Variants in LZTFL1 observed in about 807,000 individuals in gnomAD.
The protein encoded by LZTFL1 is leucine zipper transcription factor-like protein 1.
In LZTFL1, 25 loss-of-function variants were observed where a neutral mutation model predicts 45.9. The observed-to-expected ratio is 0.54, with a 90% confidence interval of 0.40 to 0.76. The LOEUF (loss-of-function observed/expected upper bound fraction) is 0.76. Ranked by LOEUF, LZTFL1 falls within the 30% of genes least tolerant of loss-of-function variation. LZTFL1 has a pLI of 0.00. For missense variants in LZTFL1, 277 were observed against 331.1 expected, an observed-to-expected ratio of 0.84 and a Z score of 1.27; for synonymous variants, 93 against 117.4, an observed-to-expected ratio of 0.79 and a Z score of 1.35.
chr3:45,887,592 T>C (rs1702021561), intron 2 of LZTFL1, among the ~76,000 whole-genome samples: 1 of 152,254 alleles, frequency 6.6e-6, no homozygotes, highest in South Asian at 2.1e-4. Context: ...GGAAGGGCTG[T>C]GCAGCAGCCA....
At chr3:45,888,307 C>G (rs753847948) in intron 2 of LZTFL1, among the ~76,000 whole-genome samples, 14 of 152,120 alleles carry the variant, frequency 9.2e-5, no homozygotes, top group Non-Finnish European at 1.9e-4. Flanking sequence ...CTTCAAGGAC[C>G]CGCAAAAATG....
intron 1 of LZTFL1, among the ~76,000 whole-genome samples, chr3:45,841,199 G>A (rs1701102147): frequency 6.6e-6 from 1 of 152,188 alleles, no homozygotes; most frequent in Non-Finnish European, 1.5e-5. Context: ...GACAGCGCTT[G>A]GAACACAGTG....
At position 45,833,108 on chromosome 3, in the gene LZTFL1, A is replaced by G; in HGVS notation, c.398T>C (p.Val133Ala). ...AAGTGGAGCAAGTTTTGGCTTTGTG[A>G]CATCTAAGATGGGCTGAAACAAAAT... is the stretch of plus-strand genomic sequence containing the variant. ...TSSNKKPILD[V>A]TKPKLAPLNE... The change falls in exon 5 of 10, where the codon GTC (valine) becomes GCC (alanine). Residue 133 changes from valine (V) to alanine (A), a missense_variant. Val to Ala is a moderately conservative substitution (Grantham distance 64, BLOSUM62 0). Transcript: ENST00000296135. 1 of 1,613,156 alleles carries G rather than the reference A, an allele frequency of 6.2e-7. No individual in the cohort carries two copies. The highest frequency in any genetic ancestry group is 1.1e-5 in the South Asian group (1 of 91,072).
chr3:45,911,472 T>C (rs1252932327), intron 2 of LZTFL1, among the ~76,000 whole-genome samples: 1 of 152,218 alleles, frequency 6.6e-6, no homozygotes, highest in African/African-American at 2.4e-5. Flanking sequence ...AGGAAGTAGG[T>C]AGTGGCACTA....
chr3:45,885,673 T>C (rs894696184), intron 2 of LZTFL1, among the ~76,000 whole-genome samples: 1 of 152,234 alleles, frequency 6.6e-6, no homozygotes, highest in South Asian at 2.1e-4. Context: ...CATGTGGCTA[T>C]TGAGCACTTG....
chr3:45,862,768 T>C (rs553756728), intron 2 of LZTFL1, among the ~76,000 whole-genome samples: 1 of 152,252 alleles, frequency 6.6e-6, no homozygotes, highest in Non-Finnish European at 1.5e-5. Flanking sequence ...AGTTGAAACA[T>C]TGCTGACAAC....
chr3:45,853,873 T>C (rs1254771541), intron 4 of LZTFL1, among the ~76,000 whole-genome samples: 1 of 152,218 alleles, frequency 6.6e-6, no homozygotes, highest in Non-Finnish European at 1.5e-5. Context: ...TCCTCTTTAT[T>C]GCTAAACTTC....
intron 2 of LZTFL1, 141 bp downstream of exon 2, chr3:45,837,786 G>T: frequency 1.3e-6 from 1 of 773,250 alleles, no homozygotes; most frequent in Non-Finnish European, 2.0e-6. Flanking sequence ...GTATCCATGA[G>T]GCTTAGTGTA....
intron 2 of LZTFL1, among the ~76,000 whole-genome samples, chr3:45,861,789 T>C (rs930574006): frequency 6.6e-6 from 1 of 152,194 alleles, no homozygotes; most frequent in Non-Finnish European, 1.5e-5. Context: ...CGTCTCTTAG[T>C]GTAACTAAGT....
chr3:45,911,642 G>A (rs1054967864), intron 2 of LZTFL1, among the ~76,000 whole-genome samples: 4 of 152,262 alleles, frequency 2.6e-5, no homozygotes, highest in African/African-American at 9.6e-5. Context: ...CAGGAGGACA[G>A]GGGGCCCTAG....
chr3:45,912,382 C>A (rs1490671045), intron 2 of LZTFL1, among the ~76,000 whole-genome samples: 6 of 152,202 alleles, frequency 3.9e-5, no homozygotes, highest in Non-Finnish European at 5.9e-5. Context: ...AGTGACTTTG[C>A]AGTTCCTCCC....
chr3:45,883,172 T>C (rs1450291900), intron 2 of LZTFL1, among the ~76,000 whole-genome samples: 28 of 152,340 alleles, frequency 1.8e-4, no homozygotes, highest in Non-Finnish European at 2.9e-5. Flanking sequence ...GTCTACTGAA[T>C]AGAGAGGGAA....
rs531702573 is a variant in LZTFL1, at chr3:45,886,229, T to C, written c.-215+26891A>G. Among the ~76,000 whole-genome samples the C allele has an allele frequency of 1.0e-3, 157 of 152,228 alleles. 3 individuals carry two copies. The South Asian group carries it at 0.032, about 31-fold the overall frequency. ...TAAAGAAATCTCATCAGTGTGCACCTCTGGCAAGCCTGACAAGGCTGACTT... is the reference window on the plus strand; with the variant it reads ...TAAAGAAATCTCATCAGTGTGCACCCCTGGCAAGCCTGACAAGGCTGACTT... On this transcript the variant is annotated intron_variant, in intron 2 of 4. Transcript: ENST00000472635.
rs1475617438 is a variant in LZTFL1 at position 45,900,039 on chromosome 3, T to TAC, written c.-215+13080_-215+13081insGT. ...CGAGAGCATGTGCAAGTGCATGTAT[T>TAC]ATGTGTATGCATGTACATATGAGTG... On this transcript the variant is annotated intron_variant, in intron 2 of 4. Coordinates refer to the LZTFL1 transcript ENST00000472635. This position sits in a 1 kb window ranked among gnomAD's most constrained non-coding sequence, Gnocchi z 4.7. Among the ~76,000 whole-genome samples, 1 of 152,200 alleles carries TAC rather than the reference T, an allele frequency of 6.6e-6. No homozygotes were observed. Among genetic ancestry groups the TAC allele is most frequent in the African/African-American group, 2.4e-5 (1 of 41,448 alleles).
chr3:45,869,062 A>G (rs1162337311), intron 2 of LZTFL1, among the ~76,000 whole-genome samples: 1 of 152,240 alleles, frequency 6.6e-6, no homozygotes, highest in Non-Finnish European at 1.5e-5. Context: ...AGCAGAGAGA[A>G]GGCAGAGTGT....
Position 45,823,426 on chromosome 3 carries a change from C to T in LZTFL1, c.*2888G>A, listed in dbSNP as rs1379379500. ...ATAATGTAAGAGATTGAGTACTGTT[C>T]ACATCAATTCATGTTTTACAATAGG... is the stretch of plus-strand genomic sequence containing the variant. On this transcript the variant is annotated 3_prime_UTR_variant, in exon 10 of 10. Coordinates refer to ENST00000296135, the MANE Select transcript of LZTFL1 (RefSeq NM_020347.4). The T allele has an allele frequency of 6.6e-6, 1 of 152,112 alleles. No homozygotes were observed. Among genetic ancestry groups the T allele is most frequent in the East Asian group, 1.9e-4 (1 of 5,194 alleles). The allele number at this position is 152,112 out of a possible 1,614,324, so 9.4% of individuals were successfully genotyped here.
intron 2 of LZTFL1, among the ~76,000 whole-genome samples, chr3:45,905,744 T>A (rs1377295985): frequency 6.6e-6 from 1 of 152,226 alleles, no homozygotes; most frequent in African/African-American, 2.4e-5. Flanking sequence ...TCCAGGGCAC[T>A]CTGCCAGCAC....
chr3:45,842,272 T>A (rs1439787247), upstream of LZTFL1: 5 of 987,208 alleles, frequency 5.1e-6, no homozygotes, highest in Non-Finnish European at 7.1e-6. Context: ...GCCAGTTCAC[T>A]TTTGGGAGCT....
chr3:45,846,304 A>G (rs1265072297), upstream of LZTFL1, among the ~76,000 whole-genome samples: 3 of 152,224 alleles, frequency 2.0e-5, no homozygotes, highest in Non-Finnish European at 4.4e-5. Context: ...TTATGTTTTT[A>G]TATAACTACT....
Sources: allele counts gnomAD v4.1 joint callset (sites outside exome capture counted in the v4.1 genomes callset), GRCh38; gene constraint gnomAD v4.1.1; non-coding constraint Gnocchi (gnomAD v3.1); transcripts MANE v1.5; gene names NCBI Gene and HGNC (gene_info 2026-07-23, HGNC 2026-07-21).